The following CHD7 variants were observed in gnomAD, a reference collection of about 807,000 sequenced individuals.
The protein encoded by CHD7 is ATP-dependent chromatin remodeler CHD7.
In CHD7, 24 loss-of-function variants were observed where a neutral mutation model predicts 307.3. That is an observed-to-expected ratio of 0.08 (90% CI 0.06 to 0.11). The LOEUF is 0.11. CHD7 is among the 10% of genes least tolerant of loss of function. CHD7 has a pLI of 1.00. For synonymous variants in CHD7, 1,363 were observed against 1,349.9 expected (o/e 1.01, Z -0.21); for missense variants, 3,106 against 3,727.1 (o/e 0.83, Z 4.34).
At chr8:60,855,383 G>A (rs1805654081) in intron 32 of CHD7, among the ~76,000 whole-genome samples, 1 of 152,332 alleles carries the variant, frequency 6.6e-6, no homozygotes, top group Non-Finnish European at 1.5e-5. Context: ...GTCTAAAGCT[G>A]TAATTAGAAA....
chr8:60,730,210 ACT>A (rs1306029918), intron 1 of CHD7, among the ~76,000 whole-genome samples: 2 of 152,146 alleles, frequency 1.3e-5, no homozygotes, highest in Admixed American at 1.3e-4. Flanking sequence ...CCAGTACATG[ACT>A]CTCTGGAGGA....
chr8:60,738,023 A>G (rs1334741540), intron 1 of CHD7, among the ~76,000 whole-genome samples: 1 of 152,250 alleles, frequency 6.6e-6, no homozygotes, highest in Non-Finnish European at 1.5e-5. Context: ...ACACCAAATA[A>G]AACATAAATG....
rs762290343 is a variant in CHD7 at position 60,742,292 on chromosome 8, C to A, written c.860C>A (p.Pro287Gln). 1 of 1,613,926 alleles carries A rather than the reference C, an allele frequency of 6.2e-7. No individual in the cohort carries two copies. Among genetic ancestry groups the A allele is most frequent in the African/African-American group, 1.3e-5 (1 of 75,010 alleles). Residue 287 changes from proline (P) to glutamine (Q), a missense_variant, in exon 2 of 38, where the codon CCG becomes CAG. Transcript: ENST00000423902. ...CCTCCCCAACAAGGGGCTGTTAGGCCGCAAACCCTTAACTTTAGTTCTCGG... is the reference window on the plus strand; with the variant it reads ...CCTCCCCAACAAGGGGCTGTTAGGCAGCAAACCCTTAACTTTAGTTCTCGG... Reference protein sequence around the residue: ...PNPPQQGAVRPQTLNFSSRSQ... With the variant: ...PNPPQQGAVRQQTLNFSSRSQ...
chr8:60,841,619 T>C (rs1452481151), intron 19 of CHD7, 25 bp from the exon 20 acceptor site: 1 of 1,562,740 alleles, frequency 6.4e-7, no homozygotes, highest in Non-Finnish European at 8.8e-7. Flanking sequence ...CCTCTCAAAG[T>C]AATGCGTTTC....
At chr8:60,743,959 A>G (rs1417235906) in intron 2 of CHD7, among the ~76,000 whole-genome samples, 2 of 152,250 alleles carry the variant, frequency 1.3e-5, no homozygotes, top group African/African-American at 2.4e-5. Context: ...GCTATAAAGC[A>G]TAGTGCTTGT....
At chr8:60,716,896 G>A (rs963149063) in intron 1 of CHD7, among the ~76,000 whole-genome samples, 8 of 152,184 alleles carry the variant, frequency 5.3e-5, no homozygotes, top group Non-Finnish European at 1.0e-4. Flanking sequence ...TAGTATAGCC[G>A]ATGAAACTTT....
chr8:60,792,567 T>C (rs1811826028), intron 3 of CHD7, among the ~76,000 whole-genome samples: 1 of 152,214 alleles, frequency 6.6e-6, no homozygotes, highest in African/African-American at 2.4e-5. Flanking sequence ...TGTCTAAACA[T>C]TTGGAGAGGG....
chr8:60,726,099 A>AT (rs1808144811), intron 1 of CHD7, among the ~76,000 whole-genome samples: 1 of 152,262 alleles, frequency 6.6e-6, no homozygotes, highest in Admixed American at 6.5e-5. Flanking sequence ...GTAATTTTGC[A>AT]TTTAAAACTG....
At chr8:60,686,159 A>C (rs1208997626) in intron 1 of CHD7, among the ~76,000 whole-genome samples, 1 of 152,160 alleles carries the variant, frequency 6.6e-6, no homozygotes. Flanking sequence ...GCTTCATGTG[A>C]AAGTTTACCT....
intron 13 of CHD7, chr8:60,824,936 T>C (rs1170497406): frequency 6.6e-6 from 1 of 152,242 alleles, no homozygotes; most frequent in Non-Finnish European, 1.5e-5. Context: ...CAGGCTTCTT[T>C]TCACTCCATA....
At chr8:60,699,943 G>C (rs989077966) in intron 1 of CHD7, among the ~76,000 whole-genome samples, 2 of 151,504 alleles carry the variant, frequency 1.3e-5, no homozygotes, top group Non-Finnish European at 2.9e-5. Flanking sequence ...CAATTCTCCT[G>C]CCTCAGCCTC....
chr8:60,774,199 CA>C (rs1301610070), intron 2 of CHD7, among the ~76,000 whole-genome samples: 2 of 152,154 alleles, frequency 1.3e-5, no homozygotes, highest in African/African-American at 4.8e-5. Context: ...GATTTTGTAG[CA>C]GAGCTCCTAT....
chr8:60,860,956 C>A lies in CHD7; in HGVS notation c.7661C>A (p.Thr2554Lys), dbSNP rs779951912. ...GAAGAAGATATAGAGACCCCACCAA[C>A]AAGAAACATTCCTTCTCCCGGACAG... ...AFEEDIETPP[T>K]RNIPSPGQLD... The change falls in exon 35 of 38, where the codon ACA becomes AAA. Residue 2554 changes from threonine to lysine, a missense_variant. Transcript: ENST00000423902. 2.5e-6 allele frequency: 4 copies of A among 1,614,020 alleles called. No homozygotes were observed. In the South Asian group the frequency reaches 4.4e-5, roughly 18 times the overall value.
At chr8:60,780,927 C>G in intron 2 of CHD7, 73 bp from the exon 3 acceptor site, 2 of 1,408,934 alleles carry the variant, frequency 1.4e-6, no homozygotes, top group Non-Finnish European at 1.9e-6. Context: ...GAAACATCAG[C>G]CACTAACTTT....
intron 2 of CHD7, among the ~76,000 whole-genome samples, chr8:60,775,164 A>G (rs1810891884): frequency 6.6e-6 from 1 of 152,134 alleles, no homozygotes; most frequent in Non-Finnish European, 1.5e-5. Context: ...ACGCCTTCAG[A>G]TAATTTTTCA....
chr8:60,685,884 T>A (rs1805859377), intron 1 of CHD7, among the ~76,000 whole-genome samples: 3 of 152,206 alleles, frequency 2.0e-5, no homozygotes, highest in Non-Finnish European at 2.9e-5. Flanking sequence ...GGAGCTTTTT[T>A]AGGGAAGTGT....
chr8:60,841,471 C>T (rs1344593308), intron 19 of CHD7, among the ~76,000 whole-genome samples, 173 bp from the exon 20 acceptor site: 2 of 152,158 alleles, frequency 1.3e-5, no homozygotes, highest in Non-Finnish European at 2.9e-5. Flanking sequence ...GGTCTCAGGC[C>T]CTGGTCAGTG....
intron 1 of CHD7, among the ~76,000 whole-genome samples, chr8:60,723,193 A>G (rs947631568): frequency 1.3e-5 from 2 of 152,176 alleles, no homozygotes; most frequent in Admixed American, 1.3e-4. Flanking sequence ...TCTTGGTGGT[A>G]GTTACAGGTT....
intron 2 of CHD7, 102 bp downstream of exon 2, chr8:60,743,199 T>G: frequency 1.0e-6 from 1 of 959,748 alleles, no homozygotes. Flanking sequence ...AGCTTTTTCA[T>G]TATGAGTGCC....
Sources: allele counts gnomAD v4.1 joint callset (sites outside exome capture counted in the v4.1 genomes callset), GRCh38; gene constraint gnomAD v4.1.1; transcripts MANE v1.5; gene names NCBI Gene and HGNC (gene_info 2026-07-23, HGNC 2026-07-21).